PALS1: variants seen among roughly 807,000 people sequenced by gnomAD.
The protein encoded by PALS1 is protein associated with LIN7 1, MAGUK p55 family member.
Under a neutral mutation model 78.9 loss-of-function variants are expected in PALS1, and 31 were observed. The ratio of observed to expected loss-of-function variants is 0.39; its 90% CI spans 0.30 to 0.53. The LOEUF is 0.53. Among genes scored for constraint, PALS1 ranks in the 20% least tolerant of loss-of-function variants. The pLI, the probability that PALS1 is intolerant of heterozygous loss-of-function variation, is 0.67. For synonymous variants in PALS1, 276 were observed against 270.9 expected, an observed-to-expected ratio of 1.02 and a Z score of -0.18; for missense variants, 704 against 826.5, an observed-to-expected ratio of 0.85 and a Z score of 1.82.
At chr14:67,284,449 T>C in intron 3 of PALS1, among the ~76,000 whole-genome samples, 1 of 94,010 alleles carries the variant, frequency 1.1e-5, no homozygotes, top group Non-Finnish European at 1.7e-5. Flanking sequence ...AAAAAACAGC[T>C]GGGCATGGTG....
At chr14:67,246,609 A>G (rs2083991168) in intron 1 of PALS1, among the ~76,000 whole-genome samples, 1 of 148,400 alleles carries the variant, frequency 6.7e-6, no homozygotes, top group Admixed American at 6.7e-5. Flanking sequence ...CAAAAGTGCT[A>G]GGATTACAGG....
intron 14 of PALS1, among the ~76,000 whole-genome samples, chr14:67,327,925 T>C (rs1245223833): frequency 1.3e-5 from 2 of 152,248 alleles, no homozygotes; most frequent in African/African-American, 4.8e-5. Flanking sequence ...CTATCGTAAA[T>C]AGTGCTGCAG....
At chr14:67,319,015 G>A (rs1261889460) in intron 11 of PALS1, among the ~76,000 whole-genome samples, 3 of 150,682 alleles carry the variant, frequency 2.0e-5, no homozygotes, top group Non-Finnish European at 2.9e-5. Context: ...CCGAGATCGC[G>A]CCACTGCACT....
intron 8 of PALS1, chr14:67,311,872 G>T (rs571567259): frequency 3.9e-5 from 6 of 152,566 alleles, no homozygotes; most frequent in Admixed American, 1.3e-4. Flanking sequence ...GTCGTTGATA[G>T]TGTGCTTGTT....
At chr14:67,259,463 T>C (rs2084198641) in intron 1 of PALS1, among the ~76,000 whole-genome samples, 1 of 151,726 alleles carries the variant, frequency 6.6e-6, no homozygotes, top group Admixed American at 6.6e-5. Context: ...ATATAAAAAA[T>C]CAGCCGGGTG....
chr14:67,289,498 T>C (rs570885451), intron 3 of PALS1, among the ~76,000 whole-genome samples: 1 of 151,960 alleles, frequency 6.6e-6, no homozygotes, highest in African/African-American at 2.4e-5. Context: ...TTGGAACCAA[T>C]CTCCCACTGA....
In PALS1 at chr14:67,262,583, A is replaced by G. The variant is rs1308784051; in HGVS notation, c.-236-7118A>G. ...CCTGCCATGTGTAAAGGAATAAAAC[A>G]TTGTCTTTATTGGCCACTCCACTTA... On this transcript the variant is annotated intron_variant, in intron 1 of 14. Coordinates refer to ENST00000261681, the MANE Select transcript of PALS1 (RefSeq NM_022474.4). Among the ~76,000 whole-genome samples the G allele has an allele frequency of 2.6e-5, 4 of 152,218 alleles. No individual in the cohort carries two copies. In the East Asian group the frequency reaches 7.7e-4, roughly 29 times the overall value.
At chr14:67,301,258 T>G in intron 4 of PALS1, 131 bp from the exon 5 acceptor site, 1 of 490,178 alleles carries the variant, frequency 2.0e-6, no homozygotes, top group South Asian at 5.1e-5. Flanking sequence ...CTAATAATTC[T>G]TTTTAGTGAT....
intron 14 of PALS1, among the ~76,000 whole-genome samples, chr14:67,328,118 A>G (rs915361024): frequency 1.3e-5 from 2 of 152,148 alleles, no homozygotes; most frequent in Non-Finnish European, 2.9e-5. Flanking sequence ...AAGTGTTCCT[A>G]TTTCTCCACA....
chr14:67,333,065 T>G lies in PALS1; in HGVS notation c.*109T>G. On this transcript the variant is annotated 3_prime_UTR_variant, in exon 15 of 15. Transcript: ENST00000261681. ...GAGGATAAGATGGAAGGCAGCAGTA[T>G]AAGCTGTAGATCTGTTCTTAGATCT... 1.0e-6 allele frequency: 1 copy of G among 955,696 alleles called. No individual in the cohort carries two copies. The highest frequency in any genetic ancestry group is 1.6e-5 in the South Asian group (1 of 60,888). 59.2% of individuals were successfully genotyped at this position (955,696 alleles called of 1,614,324 possible). A position where few individuals can be genotyped will look rare whatever the true frequency, so the allele number is the denominator to read the frequency against.
intron 1 of PALS1, among the ~76,000 whole-genome samples, chr14:67,249,150 TG>T (rs946646664): frequency 1.3e-4 from 20 of 151,896 alleles, no homozygotes; most frequent in Non-Finnish European, 2.2e-4. Context: ...TTTGTGGAGA[TG>T]GGGCTTCACC....
At position 67,259,529 on chromosome 14, in the gene PALS1, G is replaced by A. The variant is rs188960535; in HGVS notation, c.-236-10172G>A. Among the ~76,000 whole-genome samples the A allele has an allele frequency of 3.1e-3, 477 of 151,930 alleles. 4 individuals are homozygous for A. The highest frequency in any genetic ancestry group is 3.9e-3 in the Non-Finnish European group (268 of 67,944). ...CAGGAGGCTGAGGCAGGAGAATTGC[G>A]TGAACTCAGGAGGCAGAGGTTGCAG... On this transcript the variant is annotated intron_variant, in intron 1 of 14. Transcript: ENST00000261681.
intron 4 of PALS1, among the ~76,000 whole-genome samples, chr14:67,298,383 C>T (rs1024906972): frequency 2.6e-5 from 4 of 151,770 alleles, no homozygotes; most frequent in Admixed American, 6.6e-5. Flanking sequence ...GGTGTGGTGG[C>T]GGGCACCTGT....
intron 8 of PALS1, 83 bp downstream of exon 8, chr14:67,303,682 A>C (rs1260299749): frequency 1.1e-6 from 1 of 944,214 alleles, no homozygotes; most frequent in Non-Finnish European, 1.7e-6. Context: ...CAGAAATGTC[A>C]CTGTTTCCTG....
In PALS1 at chr14:67,332,811, CAA is replaced by C. The variant is rs1595627142; in HGVS notation, c.1884_1885del (p.Glu630AspfsTer10). The C allele has an allele frequency of 1.2e-6, 2 of 1,613,218 alleles. No individual in the cohort carries two copies. Among genetic ancestry groups the C allele is most frequent in the Non-Finnish European group, 1.7e-6 (2 of 1,179,368 alleles). On this transcript the variant is annotated frameshift_variant, in exon 15 of 15. Transcript: ENST00000261681. LOFTEE classifies it high-confidence loss of function. The stretch of plus-strand genomic sequence containing the variant: ...GAGTTGAGAGAAATCATTGAGAAGA[CAA>C]GAGAGATGGAGCAGAACAATGGCCA...
chr14:67,262,365 C>T (rs968742423), intron 1 of PALS1, among the ~76,000 whole-genome samples: 2 of 152,074 alleles, frequency 1.3e-5, no homozygotes, highest in Non-Finnish European at 2.9e-5. Context: ...TCCCTATCCC[C>T]GCCTCGAATC....
At chr14:67,303,977 A>T (rs920179859) in intron 8 of PALS1, 5 of 175,732 alleles carry the variant, frequency 2.8e-5, no homozygotes, top group African/African-American at 7.2e-5. Context: ...CATGTTGGCC[A>T]GGCTGATCTT....
intron 14 of PALS1, among the ~76,000 whole-genome samples, chr14:67,331,829 A>G (rs1328669611): frequency 6.6e-6 from 1 of 152,196 alleles, no homozygotes; most frequent in African/African-American, 2.4e-5. Context: ...GGTAGACATA[A>G]GTTTTAGCAA....
In PALS1 at chr14:67,322,109, G is replaced by A. The variant is rs192022727; in HGVS notation, c.1740+850G>A. Among the ~76,000 whole-genome samples, 230 of 152,146 alleles carry A rather than the reference G, an allele frequency of 1.5e-3. 4 individuals carry two copies. The highest frequency in any genetic ancestry group is 7.7e-4 in the East Asian group (4 of 5,172). On this transcript the variant is annotated intron_variant, in intron 13 of 14. Transcript: ENST00000261681. ...CTATTTAAAATGATAATTTTAGGAC[G>A]CCAATGTGGGTGGATCACTTGAGTT...
Sources: gnomAD v4.1 joint callset for allele counts (sites outside exome capture counted in the v4.1 genomes callset) on GRCh38, gnomAD v4.1.1 for gene constraint, MANE v1.5 for transcripts, NCBI Gene and HGNC (gene_info 2026-07-23, HGNC 2026-07-21) for gene names.